N4BP2L2: variants seen among roughly 807,000 people sequenced by gnomAD.
The protein encoded by N4BP2L2 is NEDD4-binding protein 2-like 2.
N4BP2L2 carries 50 observed loss-of-function variants against 56.2 expected under a neutral mutation model. The observed-to-expected ratio is 0.89, with a 90% CI of 0.71 to 1.13. N4BP2L2 has a LOEUF of 1.13. Ranked by LOEUF, N4BP2L2 falls within the 50% of genes most tolerant of loss-of-function variation. The pLI is 0.00. For missense variants in N4BP2L2, 689 were observed against 693.8 expected (o/e 0.99, Z 0.08); for synonymous variants, 203 against 223.6 (o/e 0.91, Z 0.82).
At chr13:32,454,051 C>T (rs1033138038) in intron 6 of N4BP2L2, among the ~76,000 whole-genome samples, 16 of 151,980 alleles carry the variant, frequency 1.1e-4, no homozygotes, top group Admixed American at 2.0e-4. Context: ...GAAAAGCTCC[C>T]ACATATTCCT....
At chr13:32,486,295 G>A (rs1175245077) in intron 6 of N4BP2L2, among the ~76,000 whole-genome samples, 1 of 152,076 alleles carries the variant, frequency 6.6e-6, no homozygotes, top group East Asian at 1.9e-4. Context: ...ATACAAATTG[G>A]AAAGAAAGAA....
intron 6 of N4BP2L2, among the ~76,000 whole-genome samples, chr13:32,499,283 T>C (rs555257148): frequency 2.0e-5 from 3 of 152,298 alleles, no homozygotes; most frequent in South Asian, 4.1e-4. Flanking sequence ...CAACAGAATT[T>C]TACTACTTCT....
At chr13:32,505,436 A>G (rs892754093), downstream of N4BP2L2, 1 of 152,154 alleles carries the variant, frequency 6.6e-6, no homozygotes, top group African/African-American at 2.4e-5. Flanking sequence ...GAACATGCTA[A>G]ATTTTTGCAA....
intron 6 of N4BP2L2, among the ~76,000 whole-genome samples, chr13:32,483,766 G>A (rs1306541578): frequency 6.6e-6 from 1 of 151,846 alleles, no homozygotes; most frequent in African/African-American, 2.4e-5. Flanking sequence ...TTTACAAGAC[G>A]GGAATGATAC....
At chr13:32,446,066 G>A (rs2077005241) in intron 6 of N4BP2L2, among the ~76,000 whole-genome samples, 1 of 152,198 alleles carries the variant, frequency 6.6e-6, no homozygotes, top group Non-Finnish European at 1.5e-5. Context: ...GCGGAAAAGA[G>A]AATAGTCAGT....
At chr13:32,462,935 C>T (rs895449097) in intron 6 of N4BP2L2, among the ~76,000 whole-genome samples, 7 of 146,524 alleles carry the variant, frequency 4.8e-5, no homozygotes, top group Non-Finnish European at 6.0e-5. Flanking sequence ...CCCAGCTACA[C>T]GGGAGGCTGA....
chr13:32,448,423 A>T (rs2138409005), intron 6 of N4BP2L2, among the ~76,000 whole-genome samples: 1 of 152,344 alleles, frequency 6.6e-6, no homozygotes, highest in African/African-American at 2.4e-5. Context: ...GGAAATCACA[A>T]GAGTTAGAGG....
chr13:32,483,999 A>AG (rs1393300677), intron 6 of N4BP2L2, among the ~76,000 whole-genome samples: 1 of 151,408 alleles, frequency 6.6e-6, no homozygotes, highest in Non-Finnish European at 1.5e-5. Flanking sequence ...AGAAAAAAAA[A>AG]AAAAAAGAAA....
downstream of N4BP2L2, chr13:32,505,297 T>A (rs534080946): frequency 6.6e-6 from 1 of 152,232 alleles, no homozygotes; most frequent in African/African-American, 2.4e-5. Flanking sequence ...AGCATTTCCA[T>A]AGGTATAACC....
chr13:32,501,298 A>G (rs1019226410), intron 6 of N4BP2L2, among the ~76,000 whole-genome samples: 10 of 152,194 alleles, frequency 6.6e-5, no homozygotes, highest in Non-Finnish European at 1.5e-5. Context: ...AGATAGGCTG[A>G]TATCACACTG....
At chr13:32,506,050 T>G (rs1422167221), downstream of N4BP2L2, 3 of 152,200 alleles carry the variant, frequency 2.0e-5, no homozygotes, top group Non-Finnish European at 4.4e-5. Flanking sequence ...TAGCAAAGTA[T>G]CACAGATTGG....
intron 6 of N4BP2L2, among the ~76,000 whole-genome samples, chr13:32,497,986 A>AT (rs1051195506): frequency 5.3e-5 from 8 of 152,004 alleles, no homozygotes; most frequent in East Asian, 1.9e-4. Context: ...AGACACAGTA[A>AT]TTTTTTTTCC....
intron 6 of N4BP2L2, among the ~76,000 whole-genome samples, chr13:32,483,997 A>G (rs1027230330): frequency 5.9e-5 from 9 of 151,268 alleles, no homozygotes; most frequent in Admixed American, 3.9e-4. Context: ...AAAGAAAAAA[A>G]AAAAAAAAGA....
chr13:32,483,707 GT>G (rs1181045215), intron 6 of N4BP2L2, among the ~76,000 whole-genome samples: 1 of 152,112 alleles, frequency 6.6e-6, no homozygotes, highest in South Asian at 2.1e-4. Flanking sequence ...TTATGCTACA[GT>G]TTTTTGTTTT....
chr13:32,465,732 C>T (rs2081101891), intron 6 of N4BP2L2, among the ~76,000 whole-genome samples: 1 of 152,218 alleles, frequency 6.6e-6, no homozygotes, highest in Admixed American at 6.5e-5. Flanking sequence ...CGGCTTACTA[C>T]AACCTCTGTC....
At chr13:32,454,837 A>T (rs964325882) in intron 6 of N4BP2L2, among the ~76,000 whole-genome samples, 9 of 152,212 alleles carry the variant, frequency 5.9e-5, no homozygotes, top group African/African-American at 2.2e-4. Flanking sequence ...AATTCAACAG[A>T]GAAATTATAG....
intron 5 of N4BP2L2, among the ~76,000 whole-genome samples, chr13:32,519,115 AAATGCG>A (rs1348226979): frequency 7.9e-5 from 12 of 152,138 alleles, no homozygotes; most frequent in African/African-American, 2.9e-4. Flanking sequence ...ATAGAAGAAA[AAATGCG>A]ATGAAGTTGA....
chr13:32,529,737 T>C (rs1008857474), intron 2 of N4BP2L2, among the ~76,000 whole-genome samples: 2 of 151,976 alleles, frequency 1.3e-5, no homozygotes, highest in African/African-American at 4.8e-5. Flanking sequence ...TTTTCTTTTT[T>C]TTTTTTAGAC....
rs1432689540 is a variant in N4BP2L2, at chr13:32,527,460, G to GT, written c.1331dup (p.Tyr444Ter). The stretch of plus-strand genomic sequence containing the variant: ...CACCAAGTTGATTAACATTATACCT[G>GT]TACCCATCTTGATGGTGAAAATAGT... The change falls in exon 3 of 6, where the codon TAC becomes TAAC. Residue 444 changes from tyrosine to a stop codon, truncating the protein, a stop_gained and frameshift_variant. Coordinates refer to ENST00000267068, the Ensembl canonical transcript of N4BP2L2. LOFTEE classifies it high-confidence loss of function. The GT allele has an allele frequency of 7.4e-6, 12 of 1,613,740 alleles. No homozygotes were observed. Among genetic ancestry groups the GT allele is most frequent in the Non-Finnish European group, 1.0e-5 (12 of 1,179,944 alleles).
Sources: gnomAD v4.1 joint callset for allele counts (sites outside exome capture counted in the v4.1 genomes callset) on GRCh38, gnomAD v4.1.1 for gene constraint, MANE v1.5 for transcripts, NCBI Gene and HGNC (gene_info 2026-07-23, HGNC 2026-07-21) for gene names.